NCKAP1: variants seen among roughly 807,000 people sequenced by gnomAD.
NCKAP1 encodes the protein nck-associated protein 1.
Under a neutral mutation model 151.2 loss-of-function variants are expected in NCKAP1, and 21 were observed. That is an observed-to-expected ratio of 0.14 (90% CI 0.10 to 0.20). NCKAP1 has a LOEUF of 0.20. Among genes scored for constraint, NCKAP1 ranks in the 10% least tolerant of loss-of-function variants. The pLI is 1.00. For synonymous variants in NCKAP1, 484 were observed against 451.8 expected (o/e 1.07, Z -0.90); for missense variants, 933 against 1,352.1 (o/e 0.69, Z 4.86).
In NCKAP1 at chr2:182,928,112, C is replaced by T; in HGVS notation, c.3180+5G>A. 1 of 1,574,274 alleles carries T rather than the reference C, an allele frequency of 6.4e-7. No individual in the cohort carries two copies. The highest frequency in any genetic ancestry group is 2.2e-5 in the East Asian group (1 of 44,612). On this transcript the variant is annotated splice_donor_5th_base_variant and intron_variant, in intron 29 of 30. Coordinates refer to ENST00000361354, the MANE Select transcript of NCKAP1 (RefSeq NM_013436.5). Reference sequence around the variant, plus strand: ...TGATGAGTTTTGTTATTTGATTATACATACCGCCAGAAATTCTTTAAGACG... The same window carrying T: ...TGATGAGTTTTGTTATTTGATTATATATACCGCCAGAAATTCTTTAAGACG...
intron 12 of NCKAP1, among the ~76,000 whole-genome samples, chr2:182,982,471 G>A (rs1697960754): frequency 1.3e-5 from 2 of 152,108 alleles, no homozygotes. Flanking sequence ...AGTACAAATT[G>A]TACTTTGAAT....
At chr2:182,995,129 ATTG>A (rs1698243946) in intron 7 of NCKAP1, among the ~76,000 whole-genome samples, 1 of 152,130 alleles carries the variant, frequency 6.6e-6, no homozygotes, top group African/African-American at 2.4e-5. Flanking sequence ...TTAAAAAAAT[ATTG>A]TTGCTAATTA....
chr2:182,946,440 AG>A (rs1422499690), intron 23 of NCKAP1, among the ~76,000 whole-genome samples: 4 of 152,010 alleles, frequency 2.6e-5, no homozygotes, highest in Non-Finnish European at 5.9e-5. Context: ...GCCTACTTGA[AG>A]GTAGAGGGTG....
chr2:183,005,589 C>T (rs759288532), intron 2 of NCKAP1, among the ~76,000 whole-genome samples: 10 of 152,144 alleles, frequency 6.6e-5, no homozygotes, highest in Non-Finnish European at 1.3e-4. Flanking sequence ...TCTCATTCAA[C>T]TTTATTTCCC....
At chr2:183,014,383 G>T (rs138354091) in intron 2 of NCKAP1, among the ~76,000 whole-genome samples, 6 of 152,046 alleles carry the variant, frequency 3.9e-5, no homozygotes, top group African/African-American at 1.4e-4. Flanking sequence ...GACTATTCCA[G>T]ATAGTAAAAA....
intron 30 of NCKAP1, 104 bp from the exon 31 acceptor site, chr2:182,925,922 G>A: frequency 3.7e-6 from 2 of 538,914 alleles, no homozygotes; most frequent in Non-Finnish European, 6.5e-6. Flanking sequence ...AACCAGTAAG[G>A]CATAACTTCT....
At chr2:182,971,373 G>A (rs1697686341) in intron 15 of NCKAP1, among the ~76,000 whole-genome samples, 1 of 124,428 alleles carries the variant, frequency 8.0e-6, no homozygotes, top group South Asian at 2.5e-4. Flanking sequence ...CAGCCTGGGC[G>A]ACAGAGCGAG....
intron 30 of NCKAP1, among the ~76,000 whole-genome samples, chr2:182,926,165 A>C (rs1460167796): frequency 1.3e-5 from 2 of 152,052 alleles, no homozygotes; most frequent in African/African-American, 4.8e-5. Flanking sequence ...CTGGCAATCA[A>C]AGACTAAGCT....
chr2:182,958,296 A>G (rs1271788957), intron 18 of NCKAP1, among the ~76,000 whole-genome samples: 1 of 151,914 alleles, frequency 6.6e-6, no homozygotes, highest in African/African-American at 2.4e-5. Context: ...CTGCCACCAC[A>G]CCCAGCTAAT....
intron 10 of NCKAP1, among the ~76,000 whole-genome samples, chr2:182,984,231 T>C (rs1346901237): frequency 2.6e-5 from 4 of 152,082 alleles, no homozygotes; most frequent in South Asian, 2.1e-4. Context: ...CTTGGCACTC[T>C]TGTTCAAAAA....
Position 182,912,845 on chromosome 2 carries a change from G to A in NCKAP1, c.*12857C>T, listed in dbSNP as rs1477338498. On this transcript the variant is annotated 3_prime_UTR_variant, in exon 31 of 31. Transcript: ENST00000361354. ...ATCTCAAAACCAAAGAAAGATAGAG[G>A]AAGAAAGGAAGGAAGGAAGGAAGGA... The A allele has an allele frequency of 1.4e-5, 2 of 145,860 alleles. No individual in the cohort carries two copies. Among genetic ancestry groups the A allele is most frequent in the East Asian group, 4.0e-4 (2 of 5,002 alleles). The allele number at this position is 145,860 out of a possible 1,614,324, so 9.0% of individuals were successfully genotyped here. A position where few individuals can be genotyped will look rare whatever the true frequency, so the allele number is the denominator to read the frequency against.
chr2:182,995,705 T>A lies in NCKAP1; in HGVS notation c.737A>T (p.Asp246Val). The change falls in exon 7 of 31, where the codon GAC (aspartate) becomes GTC (valine). Residue 246 changes from aspartate (D) to valine (V), a missense_variant. Transcript: ENST00000361354. Reference sequence around the variant, plus strand: ...AAGAGAAAAATAGAACCATACAGTGTCGGACTGTGCTGGATTAAGCATTGT... The same window carrying A: ...AAGAGAAAAATAGAACCATACAGTGACGGACTGTGCTGGATTAAGCATTGT... ...PSTMLNPAQSDTMPCEYLSLD... is the reference protein window; with the variant it reads ...PSTMLNPAQSVTMPCEYLSLD... 6.2e-7 allele frequency: 1 copy of A among 1,613,750 alleles called. No individual in the cohort carries two copies. The highest frequency in any genetic ancestry group is 8.5e-7 in the Non-Finnish European group (1 of 1,179,788).
chr2:182,945,790 AT>A (rs1697091351), intron 23 of NCKAP1, among the ~76,000 whole-genome samples: 1 of 152,190 alleles, frequency 6.6e-6, no homozygotes, highest in South Asian at 2.1e-4. Context: ...CAACCCAGCA[AT>A]CTCATTACTG....
Position 182,923,784 on chromosome 2 carries a change from CT to C in NCKAP1, c.*1917del, listed in dbSNP as rs1399384889. On this transcript the variant is annotated 3_prime_UTR_variant, in exon 31 of 31. Coordinates refer to ENST00000361354, the MANE Select transcript of NCKAP1 (RefSeq NM_013436.5). ...ATTAAAAATAGTAGTTGTCAATTTACTTTTAACTTTTTCCTCCAAGTTACCT... is the reference window on the plus strand; with the variant it reads ...ATTAAAAATAGTAGTTGTCAATTTACTTTAACTTTTTCCTCCAAGTTACCT... 6.6e-6 allele frequency: 1 copy of C among 152,128 alleles called. No homozygotes were observed. Among genetic ancestry groups the C allele is most frequent in the Non-Finnish European group, 1.5e-5 (1 of 68,010 alleles). 9.4% of individuals were successfully genotyped at this position (152,128 alleles called of 1,614,324 possible). A position where few individuals can be genotyped will look rare whatever the true frequency, so the allele number is the denominator to read the frequency against.
At position 182,934,732 on chromosome 2, in the gene NCKAP1, A is replaced by C; in HGVS notation, c.2859+20T>G. 1 of 1,219,422 alleles carries C rather than the reference A, an allele frequency of 8.2e-7. No individual in the cohort carries two copies. 75.5% of individuals were successfully genotyped at this position (1,219,422 alleles called of 1,614,324 possible). ...TTCGCTTTAGAGACTGTAAACCCCA[A>C]CTATAAATTATATTATTACCTTCAT... On this transcript the variant is annotated intron_variant, in intron 26 of 30. Transcript: ENST00000361354.
Position 182,921,486 on chromosome 2 carries a change from A to C in NCKAP1, c.*4216T>G, listed in dbSNP as rs1364272412. On this transcript the variant is annotated 3_prime_UTR_variant, in exon 31 of 31. Transcript: ENST00000361354. The stretch of plus-strand genomic sequence containing the variant: ...CCTAGTACAACCCCATCTCCAGGCC[A>C]CCCATTTACCAAGTTTGTGGCCCTC... 2 of 152,246 alleles carry C rather than the reference A, an allele frequency of 1.3e-5. No homozygotes were observed. Among genetic ancestry groups the C allele is most frequent in the African/African-American group, 2.4e-5 (1 of 41,448 alleles). The allele number at this position is 152,246 out of a possible 1,614,324, so 9.4% of individuals were successfully genotyped here.
At position 182,914,597 on chromosome 2, in the gene NCKAP1, G is replaced by C. The variant is rs1392651578; in HGVS notation, c.*11105C>G. On this transcript the variant is annotated 3_prime_UTR_variant, in exon 31 of 31. Transcript: ENST00000361354. ...TGAGGACACTCTGCATTTTAGAAGT[G>C]CCACAATAGCATATTCTCTCCTTTT... 6.6e-6 allele frequency: 1 copy of C among 152,146 alleles called. No homozygotes were observed. The allele number at this position is 152,146 out of a possible 1,614,324, so 9.4% of individuals were successfully genotyped here.
rs79134323 is a variant in NCKAP1 at position 183,012,795 on chromosome 2, T to G, written c.220-9470A>C. Among the ~76,000 whole-genome samples, 3 of 150,220 alleles carry G rather than the reference T, an allele frequency of 2.0e-5. No homozygotes were observed. In the South Asian group the frequency reaches 6.3e-4, roughly 32 times the overall value. On this transcript the variant is annotated intron_variant, in intron 2 of 30. Coordinates refer to ENST00000361354, the MANE Select transcript of NCKAP1 (RefSeq NM_013436.5). ...CACCTGGCTATTTTTTTTTTTTTTT[T>G]GTATTCTTTAGTAGAGACAGGGTTT...
At chr2:182,954,851 T>C (rs1299503477) in intron 20 of NCKAP1, among the ~76,000 whole-genome samples, 1 of 152,122 alleles carries the variant, frequency 6.6e-6, no homozygotes, top group Non-Finnish European at 1.5e-5. Context: ...GCTGTTCCCC[T>C]TGCCTTGATC....
Sources: allele counts gnomAD v4.1 joint callset (sites outside exome capture counted in the v4.1 genomes callset), GRCh38; gene constraint gnomAD v4.1.1; transcripts MANE v1.5; gene names NCBI Gene and HGNC (gene_info 2026-07-23, HGNC 2026-07-21).